Variants in PRKCE observed in about 807,000 individuals in gnomAD.
PRKCE encodes protein kinase C epsilon.
In PRKCE, 16 loss-of-function variants were observed where a neutral mutation model predicts 85.4. That is an observed-to-expected ratio of 0.19 (90% CI 0.13 to 0.28). The LOEUF (loss-of-function observed/expected upper bound fraction) is 0.28, where lower values mean the gene tolerates loss of function less well. PRKCE is among the 10% of genes least tolerant of loss of function. The pLI is 1.00. For synonymous variants in PRKCE, 388 were observed against 371.5 expected (o/e 1.04, Z -0.51); for missense variants, 573 against 975.2 (o/e 0.59, Z 5.49).
intron 2 of PRKCE, among the ~76,000 whole-genome samples, chr2:45,866,564 A>C (rs1018720028): frequency 4.0e-5 from 6 of 151,718 alleles, no homozygotes; most frequent in African/African-American, 1.2e-4. Flanking sequence ...GCCTTGGCCT[A>C]CCAAAGTGCT....
At chr2:45,855,312 G>A (rs1057411132) in intron 2 of PRKCE, among the ~76,000 whole-genome samples, 2 of 152,120 alleles carry the variant, frequency 1.3e-5, no homozygotes, top group African/African-American at 4.8e-5. Context: ...AAAGGAAAAG[G>A]GAAAAAGTTG....
At chr2:45,678,593 A>T (rs1278567270) in intron 1 of PRKCE, among the ~76,000 whole-genome samples, 2 of 151,956 alleles carry the variant, frequency 1.3e-5, no homozygotes, top group Non-Finnish European at 2.9e-5. Context: ...AAGAGGTTAG[A>T]AGGCAAACGA....
chr2:45,868,209 C>A (rs62127221), intron 2 of PRKCE, among the ~76,000 whole-genome samples: 11 of 131,454 alleles, frequency 8.4e-5, no homozygotes, highest in Non-Finnish European at 1.7e-4. Context: ...GGGGGTGTAA[C>A]GGAGCTTTTT....
chr2:45,958,808 ATATATATATTTTTTTTTTTTT>A (rs1286484321), intron 2 of PRKCE, among the ~76,000 whole-genome samples: 16 of 23,822 alleles, frequency 6.7e-4, no homozygotes, highest in African/African-American at 2.5e-3. Context: ...ATATATATAT[ATATATATATTTTTTTTTTTTT>A]TTTTTTTTTT....
intron 1 of PRKCE, among the ~76,000 whole-genome samples, chr2:45,829,232 C>T (rs925921038): frequency 3.3e-5 from 5 of 152,118 alleles, no homozygotes; most frequent in African/African-American, 1.2e-4. Flanking sequence ...GGATTTTTGT[C>T]ATGTAAGGCC....
At chr2:45,855,786 T>C (rs1304310884) in intron 2 of PRKCE, among the ~76,000 whole-genome samples, 1 of 152,124 alleles carries the variant, frequency 6.6e-6, no homozygotes, top group Non-Finnish European at 1.5e-5. Flanking sequence ...AGGGGTTTTG[T>C]TTTGGGTAGA....
At chr2:45,795,738 G>T (rs1687386659) in intron 1 of PRKCE, among the ~76,000 whole-genome samples, 1 of 152,196 alleles carries the variant, frequency 6.6e-6, no homozygotes, top group Non-Finnish European at 1.5e-5. Flanking sequence ...CGTCAGCAGG[G>T]TGCTTCCTGG....
intron 1 of PRKCE, among the ~76,000 whole-genome samples, chr2:45,758,880 G>T (rs563302777): frequency 2.0e-5 from 3 of 152,284 alleles, no homozygotes; most frequent in African/African-American, 7.2e-5. Context: ...CACCTGTAAA[G>T]TGCAGAGGGT....
intron 6 of PRKCE, among the ~76,000 whole-genome samples, chr2:45,988,005 G>A (rs1188647891): frequency 6.6e-6 from 1 of 152,214 alleles, no homozygotes; most frequent in African/African-American, 2.4e-5. Context: ...AAGCATCCCC[G>A]AGCAAGTCCC....
At chr2:45,821,936 A>G (rs976439550) in intron 1 of PRKCE, among the ~76,000 whole-genome samples, 16 of 152,250 alleles carry the variant, frequency 1.1e-4, no homozygotes, top group Middle Eastern at 3.4e-3. Context: ...ACGAGAATGG[A>G]ACCGAAGGGT....
chr2:45,866,881 G>A (rs1693660669), intron 2 of PRKCE, among the ~76,000 whole-genome samples: 2 of 152,210 alleles, frequency 1.3e-5, no homozygotes, highest in African/African-American at 4.8e-5. Context: ...CATTGGCTAT[G>A]CGTTAATAAT....
chr2:45,788,710 A>C (rs898566798), intron 1 of PRKCE, among the ~76,000 whole-genome samples: 1 of 152,238 alleles, frequency 6.6e-6, no homozygotes, highest in African/African-American at 2.4e-5. Flanking sequence ...GTATGTGGAC[A>C]TTATAACATC....
intron 6 of PRKCE, among the ~76,000 whole-genome samples, chr2:45,998,611 ATC>A (rs1157393254): frequency 6.6e-6 from 1 of 152,172 alleles, no homozygotes; most frequent in Admixed American, 6.5e-5. Context: ...CACTCTAACA[ATC>A]TGTCTTTTAA....
chr2:45,697,130 T>G lies in PRKCE; in HGVS notation c.348+44682T>G, dbSNP rs1184378263. Among the ~76,000 whole-genome samples the G allele has an allele frequency of 2.0e-5, 3 of 152,232 alleles. No homozygotes were observed. The East Asian group carries it at 5.8e-4, about 29-fold the overall frequency. On this transcript the variant is annotated intron_variant, in intron 1 of 14. Coordinates refer to ENST00000306156, the MANE Select transcript of PRKCE (RefSeq NM_005400.3). The surrounding 1 kb of genome is among the most constrained non-coding windows in gnomAD (Gnocchi z 4.2). ...AAAAGGTGGATGTTGTTCTAATACT[T>G]AGGAACATGCCTCCAAATAAGATGA...
rs936504129 is a variant in PRKCE, at chr2:45,741,535, G to A, written c.348+89087G>A. 6.6e-5 allele frequency among the ~76,000 whole-genome samples: 10 copies of A among 152,344 alleles called. No individual in the cohort carries two copies. In the East Asian group the frequency reaches 7.7e-4, roughly 12 times the overall value. On this transcript the variant is annotated intron_variant, in intron 1 of 14. Transcript: ENST00000306156. ...GAAACCAGCAATGCTCTGGTGGAAC[G>A]AGGTCTGTTCTCCACGTCTGACACG... is the stretch of plus-strand genomic sequence containing the variant.
intron 2 of PRKCE, among the ~76,000 whole-genome samples, chr2:45,865,882 A>G (rs923922593): frequency 6.7e-6 from 1 of 150,288 alleles, no homozygotes; most frequent in African/African-American, 2.5e-5. Flanking sequence ...CAGTGATACA[A>G]TTAAAATTCA....
At chr2:45,901,735 A>T (rs991606702) in intron 2 of PRKCE, among the ~76,000 whole-genome samples, 11 of 152,160 alleles carry the variant, frequency 7.2e-5, no homozygotes, top group African/African-American at 2.7e-4. Context: ...TTTCTTTTTA[A>T]CTCAGTCTTG....
chr2:46,168,905 GC>G (rs1678608643), intron 14 of PRKCE, among the ~76,000 whole-genome samples: 1 of 152,194 alleles, frequency 6.6e-6, no homozygotes, highest in Non-Finnish European at 1.5e-5. Context: ...GATAAGCAAT[GC>G]CCTCCTGCCT....
At chr2:46,009,431 T>A (rs1705475250) in intron 9 of PRKCE, among the ~76,000 whole-genome samples, 1 of 152,188 alleles carries the variant, frequency 6.6e-6, no homozygotes, top group Non-Finnish European at 1.5e-5. Context: ...AGAAAACAGT[T>A]AATTTTAAAG....
Sources: gnomAD v4.1 joint callset for allele counts (sites outside exome capture counted in the v4.1 genomes callset) on GRCh38, gnomAD v4.1.1 for gene constraint, Gnocchi (gnomAD v3.1) non-coding constraint, MANE v1.5 for transcripts, NCBI Gene and HGNC (gene_info 2026-07-23, HGNC 2026-07-21) for gene names.